The following HAT1 variants were observed in gnomAD, a reference collection of about 807,000 sequenced individuals.
HAT1 encodes the protein histone acetyltransferase type B catalytic subunit.
In HAT1, 20 loss-of-function variants were observed where a neutral mutation model predicts 56.6. That is an observed-to-expected ratio of 0.35 (90% CI 0.25 to 0.51). The LOEUF (loss-of-function observed/expected upper bound fraction) is 0.51. Among genes scored for constraint, HAT1 ranks in the 20% least tolerant of loss-of-function variants. HAT1 has a pLI of 0.95. For synonymous variants in HAT1, 146 were observed against 165.5 expected (o/e 0.88, Z 0.91); for missense variants, 408 against 504.3 (o/e 0.81, Z 1.83).
rs115673382 is a variant in HAT1 at position 171,939,852 on chromosome 2, C to T, written c.113-6856C>T. 4.8e-3 allele frequency among the ~76,000 whole-genome samples: 730 copies of T among 151,250 alleles called. 2 individuals carry two copies. Among genetic ancestry groups the T allele is most frequent in the Non-Finnish European group, 7.9e-3 (536 of 67,868 alleles). ...TTATTGCACAAGCTGACTGCTGTGG[C>T]GCAGTCATGGCTCATTGTAGCCTCA... On this transcript the variant is annotated intron_variant, in intron 2 of 10. Transcript: ENST00000264108.
intron 4 of HAT1, among the ~76,000 whole-genome samples, chr2:171,962,182 A>G (rs2105332732): frequency 6.6e-6 from 1 of 152,356 alleles, no homozygotes; most frequent in East Asian, 1.9e-4. Flanking sequence ...AAATTGCTCC[A>G]TATGAACATG....
chr2:171,973,565 G>T (rs1364416198), intron 8 of HAT1, among the ~76,000 whole-genome samples: 1 of 152,102 alleles, frequency 6.6e-6, no homozygotes, highest in African/African-American at 2.4e-5. Flanking sequence ...AGCCTATTAG[G>T]ACTGGGTCAC....
At chr2:171,961,548 G>A (rs1687575167) in intron 4 of HAT1, among the ~76,000 whole-genome samples, 1 of 150,866 alleles carries the variant, frequency 6.6e-6, no homozygotes, top group African/African-American at 2.5e-5. Context: ...TTTATGGAGT[G>A]TTTAGCCTCT....
At chr2:171,956,053 AG>A (rs1384614674) in intron 4 of HAT1, among the ~76,000 whole-genome samples, 1 of 151,772 alleles carries the variant, frequency 6.6e-6, no homozygotes, top group African/African-American at 2.4e-5. Flanking sequence ...TCAAAAAAAA[AG>A]TGCCTCTGCT....
At chr2:171,976,652 G>T (rs536271869) in intron 9 of HAT1, among the ~76,000 whole-genome samples, 1 of 152,244 alleles carries the variant, frequency 6.6e-6, no homozygotes, top group South Asian at 2.1e-4. Context: ...GACATTATTG[G>T]TGGGAAGAAT....
chr2:171,967,065 T>A (rs944508374), intron 8 of HAT1, 116 bp downstream of exon 8: 5 of 598,726 alleles, frequency 8.4e-6, no homozygotes, highest in African/African-American at 7.5e-5. Flanking sequence ...CTAGGGTGTT[T>A]AAGCCATCTA....
At chr2:171,922,668 T>A (rs1329974683) in intron 1 of HAT1, 161 bp downstream of exon 1, 1 of 525,586 alleles carries the variant, frequency 1.9e-6, no homozygotes, top group Non-Finnish European at 3.0e-6. Context: ...GCCCAGCAGC[T>A]CCTTGTTGGC....
chr2:171,946,855 T>G (rs1687179495), intron 3 of HAT1, 72 bp downstream of exon 3: 2 of 696,996 alleles, frequency 2.9e-6, no homozygotes, highest in Non-Finnish European at 5.0e-6. Flanking sequence ...CTTTTAGATT[T>G]AGAAATCAAA....
At chr2:171,949,112 G>C (rs1687239955) in intron 3 of HAT1, among the ~76,000 whole-genome samples, 1 of 152,182 alleles carries the variant, frequency 6.6e-6, no homozygotes, top group African/African-American at 2.4e-5. Context: ...TAACTCTTTT[G>C]TACCTTTTTC....
chr2:171,957,788 T>G (rs1182756590), intron 4 of HAT1, among the ~76,000 whole-genome samples: 1 of 152,196 alleles, frequency 6.6e-6, no homozygotes, highest in Non-Finnish European at 1.5e-5. Flanking sequence ...TAAATCATAT[T>G]TATAAAATTG....
chr2:171,947,513 C>T (rs561860368), intron 3 of HAT1, among the ~76,000 whole-genome samples: 6 of 152,206 alleles, frequency 3.9e-5, no homozygotes, highest in Admixed American at 1.3e-4. Flanking sequence ...ACCTGCGCCT[C>T]CCAAAGAGCT....
At chr2:171,942,980 A>G (rs1334560619) in intron 2 of HAT1, among the ~76,000 whole-genome samples, 5 of 152,082 alleles carry the variant, frequency 3.3e-5, no homozygotes, top group Non-Finnish European at 7.4e-5. Context: ...TTGAAAATTA[A>G]TTTTTCACAA....
intron 4 of HAT1, among the ~76,000 whole-genome samples, chr2:171,964,373 G>A (rs995220909): frequency 2.0e-5 from 3 of 152,042 alleles, no homozygotes; most frequent in Admixed American, 6.6e-5. Context: ...CTGAACTCAC[G>A]GCAAACTCCA....
intron 9 of HAT1, among the ~76,000 whole-genome samples, 175 bp downstream of exon 9, chr2:171,976,483 C>G (rs1687969746): frequency 6.6e-6 from 1 of 152,096 alleles, no homozygotes; most frequent in Non-Finnish European, 1.5e-5. Flanking sequence ...CCAACACTTG[C>G]TCTGTGATTT....
intron 2 of HAT1, among the ~76,000 whole-genome samples, chr2:171,928,303 A>C (rs1686649043): frequency 2.6e-5 from 4 of 152,212 alleles, no homozygotes; most frequent in African/African-American, 9.6e-5. Flanking sequence ...AGTAGATAGA[A>C]CTTTATTACT....
chr2:171,932,443 G>T (rs1426040171), intron 2 of HAT1, among the ~76,000 whole-genome samples: 2 of 152,142 alleles, frequency 1.3e-5, no homozygotes, highest in Non-Finnish European at 2.9e-5. Flanking sequence ...CTAATAAATA[G>T]ATTTAATACT....
At chr2:171,956,162 A>G (rs1687439824) in intron 4 of HAT1, among the ~76,000 whole-genome samples, 1 of 141,514 alleles carries the variant, frequency 7.1e-6, no homozygotes, top group Non-Finnish European at 1.5e-5. Context: ...CCTGGGTGAC[A>G]GTGAGACCCT....
intron 2 of HAT1, among the ~76,000 whole-genome samples, chr2:171,938,076 TTAAATGAA>T (rs1686923569): frequency 3.1e-5 from 2 of 63,654 alleles, no homozygotes; most frequent in Non-Finnish European, 6.5e-5. Flanking sequence ...CTCTCTCTCT[TTAAATGAA>T]CTGTAAGAGT....
chr2:171,930,676 G>A (rs898261887), intron 2 of HAT1, among the ~76,000 whole-genome samples: 4 of 152,088 alleles, frequency 2.6e-5, no homozygotes, highest in East Asian at 3.9e-4. Context: ...GTAGAGTGGC[G>A]TGATTGTGGC....
Sources: allele counts gnomAD v4.1 joint callset (sites outside exome capture counted in the v4.1 genomes callset), GRCh38; gene constraint gnomAD v4.1.1; transcripts MANE v1.5; gene names NCBI Gene and HGNC (gene_info 2026-07-23, HGNC 2026-07-21).